Variants in RANBP2 observed in about 807,000 individuals in gnomAD.
RANBP2 encodes E3 SUMO-protein ligase RanBP2.
In RANBP2, 57 loss-of-function variants were observed where a neutral mutation model predicts 303.6. The observed-to-expected ratio is 0.19, with a 90% CI of 0.15 to 0.23. The LOEUF (loss-of-function observed/expected upper bound fraction) is 0.23. Among genes scored for constraint, RANBP2 ranks in the 10% least tolerant of loss-of-function variants. RANBP2 has a pLI of 1.00. For synonymous variants in RANBP2, 1,167 were observed against 1,301.5 expected (o/e 0.90, Z 2.23); for missense variants, 3,138 against 3,780.8 (o/e 0.83, Z 4.46).
intron 23 of RANBP2, 85 bp from the exon 24 acceptor site, chr2:108,775,647 T>A: frequency 6.9e-7 from 1 of 1,453,286 alleles, no homozygotes; most frequent in Non-Finnish European, 9.6e-7. Context: ...GCCCAAGTTC[T>A]CAATTCCCTT....
At chr2:109,203,033 C>T in the RANBP2 span, among the ~76,000 whole-genome samples, 1 of 152,166 alleles carries the variant, frequency 6.6e-6, no homozygotes, top group Non-Finnish European at 1.5e-5. Flanking sequence ...GGCCATGGTC[C>T]TACAGTGATT....
chr2:109,684,597 G>C, the RANBP2 span, among the ~76,000 whole-genome samples: 5 of 144,850 alleles, frequency 3.5e-5, no homozygotes, highest in African/African-American at 1.3e-4. Context: ...GCAGTGGCAT[G>C]ATCTTGGCTC....
intron 1 of RANBP2, among the ~76,000 whole-genome samples, chr2:108,727,938 G>A (rs933464199): frequency 1.3e-4 from 20 of 152,128 alleles, no homozygotes; most frequent in Non-Finnish European, 2.6e-4. Flanking sequence ...TGGAGTTTAT[G>A]TAACCAAGGA....
chr2:109,270,740 T>G, the RANBP2 span, among the ~76,000 whole-genome samples: 1 of 152,218 alleles, frequency 6.6e-6, no homozygotes, highest in Non-Finnish European at 1.5e-5. Context: ...GTTACTCCTC[T>G]TATGTAGATT....
chr2:109,483,826 T>C, the RANBP2 span, among the ~76,000 whole-genome samples: 3 of 152,264 alleles, frequency 2.0e-5, no homozygotes, highest in East Asian at 5.8e-4. Context: ...AAACTCCTCC[T>C]GTGACTGTCC....
At chr2:109,396,758 GC>G in the RANBP2 span, among the ~76,000 whole-genome samples, 2,100 of 152,322 alleles carry the variant, frequency 0.014, 60 homozygotes, top group African/African-American at 0.047. Context: ...ACATGCAAGG[GC>G]TTAGCCTATA....
chr2:108,788,216 C>A (rs1217215082), downstream of RANBP2: 42 of 834,104 alleles, frequency 5.0e-5, no homozygotes, highest in Non-Finnish European at 6.9e-5. Context: ...GTCAGGAGTT[C>A]GAGACCACTC....
chr2:108,784,133 C>A lies in RANBP2; in HGVS notation c.*232C>A, dbSNP rs746036138. 1.2e-5 allele frequency: 6 copies of A among 490,968 alleles called. No homozygotes were observed. In the Admixed American group the frequency reaches 2.2e-4, roughly 18 times the overall value. The allele number at this position is 490,968 out of a possible 1,614,324, so 30.4% of individuals were successfully genotyped here. A position where few individuals can be genotyped will look rare whatever the true frequency, so the allele number is the denominator to read the frequency against. The stretch of plus-strand genomic sequence containing the variant: ...TCAGGTGTACTTGTGTTTATGTACT[C>A]CTGACGTATTAAAATGGAATAATAC... On this transcript the variant is annotated 3_prime_UTR_variant, in exon 29 of 29. Transcript: ENST00000283195.
the RANBP2 span, chr2:108,882,986 T>C: frequency 6.6e-6 from 1 of 152,032 alleles, no homozygotes; most frequent in Non-Finnish European, 1.5e-5. Flanking sequence ...GCAAGTCAGG[T>C]GGGGCTAAAA....
At chr2:109,464,071 C>G in the RANBP2 span, among the ~76,000 whole-genome samples, 9 of 152,174 alleles carry the variant, frequency 5.9e-5, no homozygotes, top group Non-Finnish European at 1.5e-5. Flanking sequence ...GTAGACCTGC[C>G]AGCCCCCACA....
chr2:109,604,339 T>C, the RANBP2 span, among the ~76,000 whole-genome samples: 6 of 78,970 alleles, frequency 7.6e-5, no homozygotes, highest in South Asian at 5.5e-4. Flanking sequence ...CGGGACCCCA[T>C]AGAAAGAAAG....
At chr2:109,637,757 T>C in the RANBP2 span, among the ~76,000 whole-genome samples, 1 of 152,198 alleles carries the variant, frequency 6.6e-6, no homozygotes, top group Non-Finnish European at 1.5e-5. Context: ...AAAGCAATTG[T>C]TCAAAGTACA....
At chr2:109,365,110 G>A in the RANBP2 span, among the ~76,000 whole-genome samples, 4 of 152,132 alleles carry the variant, frequency 2.6e-5, no homozygotes, top group African/African-American at 9.7e-5. Flanking sequence ...TGGTTAACTA[G>A]TTTATCCTGT....
chr2:109,774,522 T>A, the RANBP2 span, among the ~76,000 whole-genome samples: 3 of 83,364 alleles, frequency 3.6e-5, no homozygotes, highest in African/African-American at 1.4e-4. Context: ...ATAATATATA[T>A]TATATATATT....
At chr2:109,588,849 T>TAAAAA in the RANBP2 span, among the ~76,000 whole-genome samples, 2 of 71,292 alleles carry the variant, frequency 2.8e-5, no homozygotes, top group African/African-American at 9.8e-5. Context: ...TCAATTACTA[T>TAAAAA]TAAAAAAAAA....
chr2:108,924,632 T>C, the RANBP2 span, among the ~76,000 whole-genome samples: 1 of 152,196 alleles, frequency 6.6e-6, no homozygotes, highest in Non-Finnish European at 1.5e-5. Flanking sequence ...TGTGGGCTCC[T>C]GCCTTCCTGA....
At chr2:109,164,213 C>G in the RANBP2 span, among the ~76,000 whole-genome samples, 3 of 152,032 alleles carry the variant, frequency 2.0e-5, no homozygotes, top group South Asian at 4.2e-4. Flanking sequence ...GGGCCTTGCT[C>G]TGTTGCCCAG....
the RANBP2 span, among the ~76,000 whole-genome samples, chr2:109,486,908 T>C: frequency 6.6e-6 from 1 of 152,208 alleles, no homozygotes; most frequent in Non-Finnish European, 1.5e-5. Flanking sequence ...ACGAGACGTT[T>C]TGTTCCTAAC....
At chr2:108,999,204 C>T in the RANBP2 span, among the ~76,000 whole-genome samples, 1 of 152,122 alleles carries the variant, frequency 6.6e-6, no homozygotes, top group African/African-American at 2.4e-5. Context: ...GGTTCTTCAT[C>T]TGAAAAGTGG....
Sources: allele counts gnomAD v4.1 joint callset (sites outside exome capture counted in the v4.1 genomes callset), GRCh38; gene constraint gnomAD v4.1.1; transcripts MANE v1.5; gene names NCBI Gene and HGNC (gene_info 2026-07-23, HGNC 2026-07-21).